Variants in DYNC1I2 observed in about 807,000 individuals in gnomAD.
DYNC1I2 encodes cytoplasmic dynein 1 intermediate chain 2.
In DYNC1I2, 53 loss-of-function variants were observed where a neutral mutation model predicts 88.6. The observed-to-expected ratio is 0.60, with a 90% CI of 0.48 to 0.75. DYNC1I2 has a LOEUF of 0.75. DYNC1I2 is among the 30% of genes least tolerant of loss of function. The pLI is 0.00. For missense variants in DYNC1I2, 458 were observed against 766.6 expected, an observed-to-expected ratio of 0.60 and a Z score of 4.75; for synonymous variants, 198 against 254.6, an observed-to-expected ratio of 0.78 and a Z score of 2.12.
chr2:171,733,914 T>C (rs1157326077), intron 15 of DYNC1I2, among the ~76,000 whole-genome samples: 1 of 151,994 alleles, frequency 6.6e-6, no homozygotes. Context: ...TTCTTCTAAG[T>C]TTTTTGTAGT....
intron 3 of DYNC1I2, among the ~76,000 whole-genome samples, chr2:171,694,398 C>T (rs891864083): frequency 6.6e-6 from 1 of 152,168 alleles, no homozygotes; most frequent in African/African-American, 2.4e-5. Flanking sequence ...TGGCTCACGC[C>T]TGTAATCCCA....
At chr2:171,746,595 G>A (rs559574584) in intron 17 of DYNC1I2, among the ~76,000 whole-genome samples, 1 of 152,284 alleles carries the variant, frequency 6.6e-6, no homozygotes. Flanking sequence ...GTGGGAGGTA[G>A]ATTTAATCAT....
At chr2:171,746,227 T>C (rs1235535989) in intron 17 of DYNC1I2, among the ~76,000 whole-genome samples, 2 of 152,230 alleles carry the variant, frequency 1.3e-5, no homozygotes, top group South Asian at 4.1e-4. Flanking sequence ...TTTGGAGTTA[T>C]AGGTGGACTT....
intron 15 of DYNC1I2, among the ~76,000 whole-genome samples, chr2:171,738,957 TG>T (rs1689201609): frequency 6.6e-6 from 1 of 152,280 alleles, no homozygotes; most frequent in Admixed American, 6.5e-5. Flanking sequence ...GAGGCCAGCC[TG>T]GCCAACATGG....
intron 3 of DYNC1I2, among the ~76,000 whole-genome samples, chr2:171,696,392 G>T (rs1414052932): frequency 1.3e-5 from 2 of 152,146 alleles, no homozygotes; most frequent in Non-Finnish European, 2.9e-5. Context: ...TAGGTATAAT[G>T]CAAATAGTCA....
rs994471719 is a variant in DYNC1I2 at position 171,692,193 on chromosome 2, C to T, written c.109-584C>T. On this transcript the variant is annotated intron_variant, in intron 2 of 17. Transcript: ENST00000397119. ...GTTTAACCAGCAGATTGTGCTAAAA[C>T]GATAAATAGCCGAGATAAAAGCTGA... 3.1e-4 allele frequency among the ~76,000 whole-genome samples: 47 copies of T among 151,922 alleles called. 1 individual carries two copies. Among genetic ancestry groups the T allele is most frequent in the African/African-American group, 9.7e-4 (40 of 41,372 alleles).
At chr2:171,713,069 C>T (rs1192370750) in intron 6 of DYNC1I2, among the ~76,000 whole-genome samples, 2 of 152,108 alleles carry the variant, frequency 1.3e-5, no homozygotes, top group Non-Finnish European at 2.9e-5. Flanking sequence ...GTTTTTAATA[C>T]AAGTTTTGTA....
At chr2:171,715,236 G>A (rs559507285) in intron 6 of DYNC1I2, 92 bp from the exon 7 acceptor site, 1 of 699,418 alleles carries the variant, frequency 1.4e-6, no homozygotes, top group Non-Finnish European at 2.4e-6. Context: ...AAATTACAAT[G>A]TTGGGTGCAA....
chr2:171,745,320 A>T (rs1407493551), intron 16 of DYNC1I2, among the ~76,000 whole-genome samples: 3 of 152,162 alleles, frequency 2.0e-5, no homozygotes, highest in Non-Finnish European at 4.4e-5. Flanking sequence ...CTCATACTGC[A>T]CCTTCAGTAT....
chr2:171,746,254 T>C (rs370027667), intron 17 of DYNC1I2, among the ~76,000 whole-genome samples: 3 of 152,318 alleles, frequency 2.0e-5, no homozygotes, highest in South Asian at 4.1e-4. Context: ...TTTATTGATA[T>C]TGAAATAAGA....
chr2:171,733,747 T>C (rs1688805053), intron 15 of DYNC1I2, among the ~76,000 whole-genome samples: 1 of 146,912 alleles, frequency 6.8e-6, no homozygotes, highest in Non-Finnish European at 1.5e-5. Context: ...ATAGTTTTTT[T>C]TGTTTTTTAG....
At chr2:171,706,828 AAAAT>A (rs755746415) in intron 4 of DYNC1I2, 24 of 435,012 alleles carry the variant, frequency 5.5e-5, no homozygotes, top group Middle Eastern at 5.9e-4. Context: ...TTAATATTTT[AAAAT>A]AAATCTTGAG....
chr2:171,717,445 G>A (rs961353964), intron 7 of DYNC1I2, among the ~76,000 whole-genome samples: 7 of 151,988 alleles, frequency 4.6e-5, no homozygotes, highest in Non-Finnish European at 1.0e-4. Context: ...TGACCATGTA[G>A]ATGTTCTGTA....
chr2:171,727,234 C>T (rs1688313785), intron 11 of DYNC1I2, among the ~76,000 whole-genome samples: 1 of 152,018 alleles, frequency 6.6e-6, no homozygotes, highest in African/African-American at 2.4e-5. Flanking sequence ...CAGGGAGTTT[C>T]CCAGGAACTT....
rs748325645 is a variant in DYNC1I2, at chr2:171,747,843, A to C, written c.1871A>C (p.Asn624Thr). 6.2e-7 allele frequency: 1 copy of C among 1,611,416 alleles called. No individual in the cohort carries two copies. ...CGAACACTTGCAGAAATTAATGCAAACCGAGCTGATGCAGAGGAGGAAGCA... is the reference window on the plus strand; with the variant it reads ...CGAACACTTGCAGAAATTAATGCAACCCGAGCTGATGCAGAGGAGGAAGCA... ...FGRTLAEINANRADAEEEAAT... is the reference protein window; with the variant it reads ...FGRTLAEINATRADAEEEAAT... The change falls in exon 18 of 18, where the codon AAC (asparagine) becomes ACC (threonine). Residue 624 changes from asparagine to threonine, a missense_variant. Around this residue, in one of 5 missense-constraint regions of DYNC1I2, gnomAD observed 188 missense variants for 300.4 expected, o/e 0.63. Coordinates refer to ENST00000397119, the MANE Select transcript of DYNC1I2 (RefSeq NM_001378.3).
chr2:171,739,697 T>TCTCTCTCTCTCTC (rs1491211926), intron 15 of DYNC1I2, among the ~76,000 whole-genome samples: 4 of 19,730 alleles, frequency 2.0e-4, no homozygotes, highest in African/African-American at 4.3e-4. Flanking sequence ...GACATATCTC[T>TCTCTCTCTCTCTC]TTTTTTTTTT....
At position 171,747,791 on chromosome 2, in the gene DYNC1I2, C is replaced by T. The variant is rs1385750376; in HGVS notation, c.1819C>T (p.Arg607Cys). 4.4e-6 allele frequency: 7 copies of T among 1,609,078 alleles called. No individual in the cohort carries two copies. Among genetic ancestry groups the T allele is most frequent in the East Asian group, 2.2e-5 (1 of 44,820 alleles). Residue 607 changes from arginine (R) to cysteine (C), a missense_variant, in exon 18 of 18, where the codon CGC becomes TGC. By Grantham distance (180) the Arg-to-Cys change is radical (BLOSUM62 -3). Around this residue, in one of 5 missense-constraint regions of DYNC1I2, gnomAD observed 188 missense variants for 300.4 expected, o/e 0.63. Transcript: ENST00000397119. Reference protein sequence around the residue: ...YDVGEQIAVPRNDEWARFGRT... With the variant: ...YDVGEQIAVPCNDEWARFGRT... ...CTTTTAACAGCAGATTGCTGTTCCC[C>T]GCAATGATGAATGGGCACGGTTTGG... is the stretch of plus-strand genomic sequence containing the variant.
intron 3 of DYNC1I2, among the ~76,000 whole-genome samples, chr2:171,697,747 A>G (rs1021898830): frequency 4.6e-5 from 7 of 152,150 alleles, no homozygotes; most frequent in Admixed American, 1.3e-4. Context: ...AGTCCTAGCT[A>G]CTGTGGAGGT....
At chr2:171,690,079 C>T in intron 1 of DYNC1I2, 68 bp from the exon 2 acceptor site, 5 of 1,005,322 alleles carry the variant, frequency 5.0e-6, no homozygotes, top group Non-Finnish European at 7.2e-6. Flanking sequence ...CGGGACAGTT[C>T]TCTTCTTGGA....
Sources: gnomAD v4.1 joint callset for allele counts (sites outside exome capture counted in the v4.1 genomes callset) on GRCh38, gnomAD v4.1.1 for gene constraint, gnomAD v4.1.1 regional missense constraint, MANE v1.5 for transcripts, NCBI Gene and HGNC (gene_info 2026-07-23, HGNC 2026-07-21) for gene names.